Variants in DOCK3 observed in about 807,000 individuals in gnomAD.
DOCK3 encodes the protein dedicator of cytokinesis protein 3.
Under a neutral mutation model 265.6 loss-of-function variants are expected in DOCK3, and 60 were observed. That is an observed-to-expected ratio of 0.23 (90% CI 0.18 to 0.28). DOCK3 has a LOEUF of 0.28. Ranked by LOEUF, DOCK3 falls within the 10% of genes least tolerant of loss-of-function variation. The pLI is 1.00. For missense variants in DOCK3, 1,981 were observed against 2,594.3 expected (o/e 0.76, Z 5.14); for synonymous variants, 881 against 938.0 (o/e 0.94, Z 1.11).
At chr3:51,375,267 G>A (rs2088014338) in intron 50 of DOCK3, among the ~76,000 whole-genome samples, 1 of 152,226 alleles carries the variant, frequency 6.6e-6, no homozygotes, top group African/African-American at 2.4e-5. Context: ...AGAGGGATGA[G>A]ATCTGCTTGG....
At chr3:50,720,324 G>T (rs1283372955) in intron 1 of DOCK3, among the ~76,000 whole-genome samples, 4 of 151,990 alleles carry the variant, frequency 2.6e-5, no homozygotes, top group Admixed American at 1.3e-4. Context: ...AGAGTCTATT[G>T]TTCCCTTCTC....
At chr3:51,166,919 T>G (rs181543553) in intron 12 of DOCK3, among the ~76,000 whole-genome samples, 16 of 152,338 alleles carry the variant, frequency 1.1e-4, no homozygotes, top group Non-Finnish European at 1.8e-4. Context: ...TAGATTGCCT[T>G]TTTGTTTTGT....
chr3:51,025,116 G>A (rs999951069), intron 5 of DOCK3, among the ~76,000 whole-genome samples: 1 of 152,078 alleles, frequency 6.6e-6, no homozygotes, highest in African/African-American at 2.4e-5. Flanking sequence ...TTAGGTGATG[G>A]GTGGGGCTAC....
intron 9 of DOCK3, among the ~76,000 whole-genome samples, chr3:51,118,864 T>G (rs1011488864): frequency 6.6e-6 from 1 of 152,168 alleles, no homozygotes. Context: ...ACCCTATGTG[T>G]GTTTTTGCAC....
chr3:50,903,253 A>G (rs1234020576), intron 4 of DOCK3, among the ~76,000 whole-genome samples: 1 of 152,184 alleles, frequency 6.6e-6, no homozygotes, highest in Admixed American at 6.5e-5. Flanking sequence ...TAGTTTTCAC[A>G]GGTAATGCTT....
chr3:51,133,945 A>G (rs555085691), intron 9 of DOCK3, among the ~76,000 whole-genome samples: 1 of 152,174 alleles, frequency 6.6e-6, no homozygotes, highest in East Asian at 1.9e-4. Flanking sequence ...CCTCACCCTC[A>G]GTGGGCCCCA....
intron 5 of DOCK3, among the ~76,000 whole-genome samples, chr3:50,979,069 C>T (rs1011796885): frequency 3.1e-4 from 47 of 152,124 alleles, no homozygotes; most frequent in Non-Finnish European, 6.0e-4. Flanking sequence ...GAGATGAACC[C>T]GGTACCTCAG....
intron 7 of DOCK3, among the ~76,000 whole-genome samples, chr3:51,085,252 A>G (rs1485189254): frequency 2.0e-5 from 3 of 152,232 alleles, no homozygotes; most frequent in Non-Finnish European, 4.4e-5. Flanking sequence ...TTACACTTTC[A>G]GCACTGGACA....
rs573374866 is a variant in DOCK3 at position 50,815,465 on chromosome 3, T to C, written c.122-26210T>C. On this transcript the variant is annotated intron_variant, in intron 2 of 52. Coordinates refer to ENST00000266037, the MANE Select transcript of DOCK3 (RefSeq NM_004947.5). Reference sequence around the variant, plus strand: ...TGGGATTTTGGTTTTTGTACCTCACTTCATAATCATGAAATTGACCTTCGT... The same window carrying C: ...TGGGATTTTGGTTTTTGTACCTCACCTCATAATCATGAAATTGACCTTCGT... 4.6e-5 allele frequency among the ~76,000 whole-genome samples: 7 copies of C among 152,348 alleles called. No homozygotes were observed. The South Asian group carries it at 1.4e-3, about 32-fold the overall frequency.
intron 2 of DOCK3, among the ~76,000 whole-genome samples, chr3:50,840,923 G>A (rs1394215847): frequency 6.6e-6 from 1 of 151,980 alleles, no homozygotes; most frequent in African/African-American, 2.4e-5. Context: ...TAATACGTAG[G>A]ACAAACTCTC....
At chr3:50,877,910 C>G (rs2047796028) in intron 3 of DOCK3, among the ~76,000 whole-genome samples, 1 of 152,138 alleles carries the variant, frequency 6.6e-6, no homozygotes. Flanking sequence ...CCAGGTGCCC[C>G]TCTGAGACGA....
rs555603075 is a variant in DOCK3, at chr3:50,824,499, A to T, written c.122-17176A>T. Among the ~76,000 whole-genome samples the T allele has an allele frequency of 5.3e-5, 8 of 152,288 alleles. No individual in the cohort carries two copies. The South Asian group carries it at 1.2e-3, about 24-fold the overall frequency. On this transcript the variant is annotated intron_variant, in intron 2 of 52. Transcript: ENST00000266037. ...CCAAATTTTTTAGGGGGTCAAAATG[A>T]TGTAGATAACTTAAGTCTCTCATGG...
intron 1 of DOCK3, among the ~76,000 whole-genome samples, chr3:50,745,407 T>G (rs2108267190): frequency 6.6e-6 from 1 of 152,326 alleles, no homozygotes; most frequent in East Asian, 1.9e-4. Context: ...TAATGTTATT[T>G]TAACAATAAG....
chr3:50,946,307 T>A (rs1047236289), intron 5 of DOCK3, among the ~76,000 whole-genome samples: 1 of 152,152 alleles, frequency 6.6e-6, no homozygotes, highest in African/African-American at 2.4e-5. Context: ...CCTCAACTTT[T>A]TAATCTTTGG....
chr3:51,165,378 A>T (rs774184746), intron 12 of DOCK3, among the ~76,000 whole-genome samples: 11 of 152,234 alleles, frequency 7.2e-5, no homozygotes, highest in Non-Finnish European at 1.3e-4. Flanking sequence ...ATATACATAA[A>T]CATTGTCGGA....
chr3:50,828,354 T>G (rs2044902834), intron 2 of DOCK3, among the ~76,000 whole-genome samples: 1 of 152,202 alleles, frequency 6.6e-6, no homozygotes, highest in Non-Finnish European at 1.5e-5. Flanking sequence ...ATGGTCTATA[T>G]TTTACTTCTG....
chr3:50,949,439 T>C (rs778740984), intron 5 of DOCK3, among the ~76,000 whole-genome samples: 1 of 152,156 alleles, frequency 6.6e-6, no homozygotes, highest in Non-Finnish European at 1.5e-5. Flanking sequence ...TAAAAATTTA[T>C]CCATTTCATT....
intron 19 of DOCK3, among the ~76,000 whole-genome samples, chr3:51,231,288 C>T (rs1381996211): frequency 1.3e-5 from 2 of 151,888 alleles, no homozygotes; most frequent in African/African-American, 4.8e-5. Context: ...GCCACCATGC[C>T]TGGCTAATTT....
At chr3:51,348,789 T>A in intron 38 of DOCK3, 63 bp from the exon 39 acceptor site, 1 of 1,491,776 alleles carries the variant, frequency 6.7e-7, no homozygotes, top group Non-Finnish European at 9.1e-7. Flanking sequence ...CTGATGTGTT[T>A]AATGTGGGCT....
Sources: gnomAD v4.1 joint callset for allele counts (sites outside exome capture counted in the v4.1 genomes callset) on GRCh38, gnomAD v4.1.1 for gene constraint, MANE v1.5 for transcripts, NCBI Gene and HGNC (gene_info 2026-07-23, HGNC 2026-07-21) for gene names.